DLGAP2: variants seen among roughly 807,000 people sequenced by gnomAD.
DLGAP2 encodes DLG associated protein 2, also known as disks large-associated protein 2.
DLGAP2 carries 26 observed loss-of-function variants against 100.3 expected under a neutral mutation model. The observed-to-expected ratio is 0.26, with a 90% CI of 0.19 to 0.36. DLGAP2 has a LOEUF of 0.36. DLGAP2 is among the 10% of genes least tolerant of loss of function. The probability of loss-of-function intolerance (pLI) is 1.00; values close to 1 mark genes in which losing one functional copy is unlikely to be tolerated. For missense variants in DLGAP2, 1,858 were observed against 1,453.2 expected, an observed-to-expected ratio of 1.28 and a Z score of -4.53; for synonymous variants, 886 against 630.1, an observed-to-expected ratio of 1.41 and a Z score of -6.08.
At chr8:1,509,320 A>T (rs987240694) in intron 4 of DLGAP2, among the ~76,000 whole-genome samples, 8 of 111,260 alleles carry the variant, frequency 7.2e-5, no homozygotes, top group African/African-American at 1.4e-4. Flanking sequence ...ACAGAGCAAG[A>T]CTCCGTCCAA....
At chr8:1,423,204 A>G (rs1442748714) in intron 3 of DLGAP2, among the ~76,000 whole-genome samples, 3 of 152,162 alleles carry the variant, frequency 2.0e-5, no homozygotes, top group African/African-American at 4.8e-5. Context: ...ACCAGCAGAG[A>G]TTGAGTTTTT....
intron 2 of DLGAP2, among the ~76,000 whole-genome samples, chr8:956,630 C>T (rs1485464768): frequency 3.9e-5 from 6 of 152,194 alleles, no homozygotes; most frequent in African/African-American, 1.4e-4. Context: ...CTGCTGCCTC[C>T]GTTTTCCTAC....
At chr8:1,384,596 G>A (rs372986895) in intron 3 of DLGAP2, among the ~76,000 whole-genome samples, 1 of 61,374 alleles carries the variant, frequency 1.6e-5, no homozygotes, top group Non-Finnish European at 4.4e-5. Flanking sequence ...GCCTGTGCCC[G>A]GCCCCTGAGA....
chr8:1,260,612 C>T (rs1799326584), intron 3 of DLGAP2, among the ~76,000 whole-genome samples: 1 of 151,904 alleles, frequency 6.6e-6, no homozygotes, highest in Non-Finnish European at 1.5e-5. Context: ...TGGATGATTT[C>T]TGGGGACATA....
At chr8:1,315,720 C>G (rs1295116576) in intron 3 of DLGAP2, among the ~76,000 whole-genome samples, 1 of 49,504 alleles carries the variant, frequency 2.0e-5, no homozygotes, top group Admixed American at 2.3e-4. Flanking sequence ...TGTACGAGTG[C>G]AGCGTCTCTC....
intron 4 of DLGAP2, among the ~76,000 whole-genome samples, chr8:1,529,395 T>C (rs4472543): frequency 0.39 from 58,656 of 152,000 alleles, 11,774 homozygotes; most frequent in South Asian, 0.53. Flanking sequence ...AGCCTGGCCA[T>C]ATCACCTTCT....
chr8:1,105,589 G>A (rs578073638), intron 2 of DLGAP2, among the ~76,000 whole-genome samples: 1 of 150,876 alleles, frequency 6.6e-6, no homozygotes, highest in East Asian at 1.9e-4. Context: ...ATTCTAGGAG[G>A]GTTTTCTATT....
intron 2 of DLGAP2, among the ~76,000 whole-genome samples, chr8:917,689 T>C (rs567737554): frequency 6.6e-6 from 1 of 152,168 alleles, no homozygotes; most frequent in Admixed American, 6.5e-5. Context: ...CAAATCATTC[T>C]CCTGCCTCAG....
chr8:1,055,126 G>A (rs946930975), intron 2 of DLGAP2, among the ~76,000 whole-genome samples: 5 of 152,322 alleles, frequency 3.3e-5, no homozygotes, highest in East Asian at 1.9e-4. Flanking sequence ...TGGAATAGAC[G>A]TTTTGTAAAG....
chr8:799,845 C>A (rs777568019), intron 1 of DLGAP2, among the ~76,000 whole-genome samples: 1 of 152,210 alleles, frequency 6.6e-6, no homozygotes, highest in Non-Finnish European at 1.5e-5. Context: ...GGTCCTCCTA[C>A]CTTGGCCTCT....
Position 1,266,750 on chromosome 8 carries a change from T to C in DLGAP2, c.106+7867T>C, listed in dbSNP as rs183793264. Among the ~76,000 whole-genome samples the C allele has an allele frequency of 3.3e-3, 503 of 152,006 alleles. 7 individuals carry two copies. Among genetic ancestry groups the C allele is most frequent in the Admixed American group, 0.031 (476 of 15,280 alleles). On this transcript the variant is annotated intron_variant, in intron 3 of 14. Transcript: ENST00000637795. ...GGGAGTGTTGAGTGCAGACCCAGTG[T>C]GTGTATATGTGTTTGTGTGTGTGTT...
chr8:1,328,032 G>T (rs565886258), intron 3 of DLGAP2, among the ~76,000 whole-genome samples: 1 of 152,078 alleles, frequency 6.6e-6, no homozygotes, highest in South Asian at 2.1e-4. Context: ...TCTGTAACAA[G>T]GGCCTTTTTA....
At chr8:1,258,756 A>G in intron 2 of DLGAP2, 95 bp from the exon 3 acceptor site, 5 of 1,091,906 alleles carry the variant, frequency 4.6e-6, no homozygotes, top group Non-Finnish European at 5.8e-6. Flanking sequence ...GCGTCATCTT[A>G]AAGTTGTAGT....
At position 1,535,997 on chromosome 8, in the gene DLGAP2, A is replaced by G. The variant is rs558463034; in HGVS notation, c.173-12629A>G. Among the ~76,000 whole-genome samples, 1,437 of 152,288 alleles carry G rather than the reference A, an allele frequency of 9.4e-3. 21 individuals are homozygous for G. The highest frequency in any genetic ancestry group is 0.032 in the African/African-American group (1,336 of 41,558). ...CTCTCCGAGGCTCACCTGAGAGTCT[A>G]GTGTGTCGGCTATAATGTAACAGTC... On this transcript the variant is annotated intron_variant, in intron 4 of 14. Transcript: ENST00000637795.
At chr8:827,909 A>ATT (rs369962037) in intron 1 of DLGAP2, among the ~76,000 whole-genome samples, 3 of 152,288 alleles carry the variant, frequency 2.0e-5, no homozygotes, top group African/African-American at 7.2e-5. Context: ...AAAGAGAGAA[A>ATT]TTTTAAAGCT....
intron 3 of DLGAP2, among the ~76,000 whole-genome samples, chr8:1,384,070 C>T (rs967368046): frequency 7.9e-5 from 12 of 152,110 alleles, no homozygotes; most frequent in African/African-American, 2.9e-4. Flanking sequence ...CGTTGGGAAA[C>T]AGTATACACT....
chr8:1,613,878 T>A (rs565045183), intron 6 of DLGAP2, among the ~76,000 whole-genome samples: 1 of 152,328 alleles, frequency 6.6e-6, no homozygotes, highest in African/African-American at 2.4e-5. Flanking sequence ...TTGAATTTTT[T>A]AAAAATAAGC....
chr8:962,795 G>C (rs1478442655), intron 2 of DLGAP2, among the ~76,000 whole-genome samples: 2 of 152,198 alleles, frequency 1.3e-5, no homozygotes, highest in Non-Finnish European at 2.9e-5. Context: ...CAGCACCCAG[G>C]CGCAGGACAC....
At chr8:1,420,941 C>G (rs560121844) in intron 3 of DLGAP2, among the ~76,000 whole-genome samples, 1 of 152,102 alleles carries the variant, frequency 6.6e-6, no homozygotes, top group African/African-American at 2.4e-5. Context: ...ATTCGATTGG[C>G]TGTTTTGAGG....
Sources: allele counts gnomAD v4.1 joint callset (sites outside exome capture counted in the v4.1 genomes callset), GRCh38; gene constraint gnomAD v4.1.1; transcripts MANE v1.5; gene names NCBI Gene and HGNC (gene_info 2026-07-23, HGNC 2026-07-21).